ANO4: variants seen among roughly 807,000 people sequenced by gnomAD.
ANO4 encodes the protein anoctamin-4.
A neutral mutation model predicts 141.9 loss-of-function variants in ANO4; 69 were observed. That is an observed-to-expected ratio of 0.49 (90% CI 0.40 to 0.59). The LOEUF is 0.59. Ranked by LOEUF, ANO4 falls within the 20% of genes least tolerant of loss-of-function variation. ANO4 has a pLI of 0.00. For missense variants in ANO4, 894 were observed against 1,162.2 expected (o/e 0.77, Z 3.36); for synonymous variants, 350 against 394.3 (o/e 0.89, Z 1.33).
intron 2 of ANO4, among the ~76,000 whole-genome samples, chr12:100,902,406 C>T (rs2040635619): frequency 6.6e-6 from 1 of 152,148 alleles, no homozygotes; most frequent in African/African-American, 2.4e-5. Flanking sequence ...GGGAAAAGCT[C>T]ATTTAAGTAT....
At chr12:101,001,165 A>G (rs1028748226) in intron 8 of ANO4, among the ~76,000 whole-genome samples, 1 of 152,236 alleles carries the variant, frequency 6.6e-6, no homozygotes, top group Non-Finnish European at 1.5e-5. Flanking sequence ...AAACACCTAT[A>G]GGAAAGGGAA....
chr12:100,836,852 T>C (rs1236049248), intron 1 of ANO4, among the ~76,000 whole-genome samples: 1 of 152,080 alleles, frequency 6.6e-6, no homozygotes, highest in Admixed American at 6.5e-5. Flanking sequence ...CCAGGAGAGA[T>C]ATGTGATATT....
chr12:100,780,033 G>T (rs1017635550), intron 3 of ANO4, among the ~76,000 whole-genome samples: 1 of 151,532 alleles, frequency 6.6e-6, no homozygotes, highest in African/African-American at 2.4e-5. Context: ...TTTTCAATTT[G>T]TTTTTTTTAA....
At chr12:101,002,283 G>A (rs953996490) in intron 8 of ANO4, among the ~76,000 whole-genome samples, 4 of 152,308 alleles carry the variant, frequency 2.6e-5, no homozygotes, top group Non-Finnish European at 4.4e-5. Flanking sequence ...TATTCGTAGC[G>A]CATGGATTGG....
At chr12:100,945,583 T>G (rs1342314234) in intron 5 of ANO4, among the ~76,000 whole-genome samples, 1 of 152,240 alleles carries the variant, frequency 6.6e-6, no homozygotes, top group Non-Finnish European at 1.5e-5. Context: ...TAATTCTATG[T>G]CCATTATTGA....
At chr12:101,115,221 T>A (rs1448814497) in intron 24 of ANO4, among the ~76,000 whole-genome samples, 2 of 152,218 alleles carry the variant, frequency 1.3e-5, no homozygotes, top group East Asian at 3.8e-4. Context: ...TAAGATCTTA[T>A]CACATGCTAT....
chr12:101,004,045 G>A (rs1211585198), intron 8 of ANO4, among the ~76,000 whole-genome samples: 1 of 151,828 alleles, frequency 6.6e-6, no homozygotes, highest in East Asian at 1.9e-4. Flanking sequence ...AGAGAAGGAG[G>A]TCTCCTCTCC....
chr12:100,946,822 G>A (rs966173103), intron 5 of ANO4, among the ~76,000 whole-genome samples: 5 of 152,186 alleles, frequency 3.3e-5, no homozygotes, highest in Non-Finnish European at 7.3e-5. Flanking sequence ...ATAAAAAGGA[G>A]GCAGCAGAAG....
chr12:101,088,414 A>G (rs1412141491), intron 17 of ANO4, among the ~76,000 whole-genome samples: 1 of 151,690 alleles, frequency 6.6e-6, no homozygotes, highest in Admixed American at 6.6e-5. Context: ...TTTCTATAGC[A>G]TTTATCACCA....
At chr12:101,105,751 G>T (rs1419336706) in intron 22 of ANO4, among the ~76,000 whole-genome samples, 1 of 152,192 alleles carries the variant, frequency 6.6e-6, no homozygotes, top group Non-Finnish European at 1.5e-5. Context: ...ACTTTTGAAA[G>T]AGAATTAAAA....
At chr12:100,737,564 G>T (rs2031669770) in intron 2 of ANO4, among the ~76,000 whole-genome samples, 1 of 152,194 alleles carries the variant, frequency 6.6e-6, no homozygotes, top group Non-Finnish European at 1.5e-5. Context: ...GGGTCACAAG[G>T]CTGTGTGGGG....
At chr12:101,039,813 C>T in intron 10 of ANO4, 142 bp from the exon 11 acceptor site, 2 of 855,048 alleles carry the variant, frequency 2.3e-6, no homozygotes, top group East Asian at 2.6e-5. Flanking sequence ...CATCAAACTG[C>T]CTGCCCTTTA....
chr12:101,050,675 A>G (rs1316217486), intron 14 of ANO4, among the ~76,000 whole-genome samples: 1 of 152,222 alleles, frequency 6.6e-6, no homozygotes, highest in Non-Finnish European at 1.5e-5. Flanking sequence ...TACTAAATGT[A>G]TATTGTAAAC....
At chr12:100,946,252 G>C (rs2042715230) in intron 5 of ANO4, among the ~76,000 whole-genome samples, 1 of 152,192 alleles carries the variant, frequency 6.6e-6, no homozygotes, top group Admixed American at 6.5e-5. Flanking sequence ...GCTTTTCTCT[G>C]AGTGACATAG....
chr12:101,107,778 G>T (rs932053728), intron 22 of ANO4, among the ~76,000 whole-genome samples: 1 of 152,130 alleles, frequency 6.6e-6, no homozygotes, highest in African/African-American at 2.4e-5. Flanking sequence ...TGATGGGGTT[G>T]AACCAACATT....
chr12:100,902,727 G>T (rs1400901331), intron 2 of ANO4, among the ~76,000 whole-genome samples: 1 of 152,160 alleles, frequency 6.6e-6, no homozygotes, highest in Admixed American at 6.5e-5. Context: ...CAGGGCCGTT[G>T]GGCATGAATT....
At chr12:100,816,327 T>C (rs1275235567) in intron 1 of ANO4, among the ~76,000 whole-genome samples, 1 of 152,008 alleles carries the variant, frequency 6.6e-6, no homozygotes, top group Non-Finnish European at 1.5e-5. Context: ...TGTGGAAGCA[T>C]AATTTAATTG....
chr12:101,035,808 A>G (rs2047169409), intron 9 of ANO4, among the ~76,000 whole-genome samples: 1 of 152,214 alleles, frequency 6.6e-6, no homozygotes, highest in Non-Finnish European at 1.5e-5. Flanking sequence ...AACATTGAGT[A>G]CACATGGACA....
At chr12:101,058,011 T>G (rs537043272) in intron 14 of ANO4, among the ~76,000 whole-genome samples, 2 of 152,234 alleles carry the variant, frequency 1.3e-5, no homozygotes, top group South Asian at 4.1e-4. Context: ...ACATTTAATT[T>G]TTTAACCGAT....
Sources: allele counts gnomAD v4.1 joint callset (sites outside exome capture counted in the v4.1 genomes callset), GRCh38; gene constraint gnomAD v4.1.1; transcripts MANE v1.5; gene names NCBI Gene and HGNC (gene_info 2026-07-23, HGNC 2026-07-21).